The following SND1 variants were observed in gnomAD, a reference collection of about 807,000 sequenced individuals.
SND1 encodes staphylococcal nuclease and tudor domain containing 1.
In SND1, 38 loss-of-function variants were observed where a neutral mutation model predicts 121.7. The ratio of observed to expected loss-of-function variants is 0.31; its 90% CI spans 0.24 to 0.41. SND1 has a LOEUF of 0.41. SND1 is among the 10% of genes least tolerant of loss of function. SND1 has a pLI of 1.00. For missense variants in SND1, 868 were observed against 1,184.6 expected, an observed-to-expected ratio of 0.73 and a Z score of 3.92; for synonymous variants, 401 against 447.4, an observed-to-expected ratio of 0.90 and a Z score of 1.31.
Position 128,081,415 on chromosome 7 carries a change from A to T in SND1, c.2024A>T (p.Glu675Val). 1 of 1,614,124 alleles carries T rather than the reference A, an allele frequency of 6.2e-7. No homozygotes were observed. Among genetic ancestry groups the T allele is most frequent in the Non-Finnish European group, 8.5e-7 (1 of 1,180,020 alleles). ...PVEEVMPVLE[E>V]KERSASYKPV... Reference sequence around the variant, plus strand: ...GAGGAGGTGATGCCAGTGCTGGAGGAGAAGGAGCGATCTGCTAGCTACAAG... The same window carrying T: ...GAGGAGGTGATGCCAGTGCTGGAGGTGAAGGAGCGATCTGCTAGCTACAAG... Residue 675 changes from glutamate to valine, a missense_variant, in exon 18 of 24, where the codon GAG becomes GTG. By Grantham distance (121) the Glu-to-Val change is moderately radical. This residue lies in a region of SND1 where 743 missense variants were observed against 1,071.3 expected (regional missense o/e 0.69). Coordinates refer to ENST00000354725, the MANE Select transcript of SND1 (RefSeq NM_014390.4).
rs550479670 is a variant in SND1 at position 127,851,871 on chromosome 7, G to T, written c.1343+7447G>T. 5.3e-5 allele frequency among the ~76,000 whole-genome samples: 8 copies of T among 152,174 alleles called. No homozygotes were observed. The South Asian group carries it at 1.7e-3, about 32-fold the overall frequency. ...CATTTAAAACTAAAAGAAATAACACGCTTGGCTGGGCACGGTGGCTCACGC... is the reference window on the plus strand; with the variant it reads ...CATTTAAAACTAAAAGAAATAACACTCTTGGCTGGGCACGGTGGCTCACGC... On this transcript the variant is annotated intron_variant, in intron 12 of 23. Transcript: ENST00000354725.
chr7:127,764,144 A>G (rs369189281), intron 10 of SND1, among the ~76,000 whole-genome samples: 1 of 152,334 alleles, frequency 6.6e-6, no homozygotes, highest in African/African-American at 2.4e-5. Flanking sequence ...AATTTCAAAT[A>G]ATGATACAAT....
intron 16 of SND1, among the ~76,000 whole-genome samples, chr7:128,064,326 C>T (rs1434404456): frequency 6.6e-6 from 1 of 152,158 alleles, no homozygotes; most frequent in East Asian, 1.9e-4. Context: ...TGATGAGCCA[C>T]ACCCTCCAGT....
chr7:127,909,441 G>A (rs1480732660), intron 14 of SND1, among the ~76,000 whole-genome samples: 1 of 150,796 alleles, frequency 6.6e-6, no homozygotes, highest in African/African-American at 2.4e-5. Flanking sequence ...GAAATACGTA[G>A]TATTTCTGAT....
At chr7:127,712,005 T>TAA (rs1796306850) in intron 9 of SND1, among the ~76,000 whole-genome samples, 1 of 152,066 alleles carries the variant, frequency 6.6e-6, no homozygotes, top group Non-Finnish European at 1.5e-5. Context: ...GCCTCTCCTC[T>TAA]CCCCTTCTTG....
chr7:127,723,115 A>G (rs905391576), intron 10 of SND1, among the ~76,000 whole-genome samples: 4 of 152,206 alleles, frequency 2.6e-5, no homozygotes, highest in African/African-American at 9.6e-5. Flanking sequence ...TAGACTATAT[A>G]GCTGAATTTT....
In SND1 at chr7:128,013,549, C is replaced by T. The variant is rs150130736; in HGVS notation, c.1779+22493C>T. Among the ~76,000 whole-genome samples the T allele has an allele frequency of 2.7e-3, 415 of 152,330 alleles. 2 individuals are homozygous for T. Among genetic ancestry groups the T allele is most frequent in the Non-Finnish European group, 5.3e-3 (362 of 68,032 alleles). The stretch of plus-strand genomic sequence containing the variant: ...ATGATCTAGAGCAGCAGTCCCCAAC[C>T]TTTTTGGCACTAGGGATCAGTTTCA... On this transcript the variant is annotated intron_variant, in intron 16 of 23. Coordinates refer to ENST00000354725, the MANE Select transcript of SND1 (RefSeq NM_014390.4).
intron 16 of SND1, among the ~76,000 whole-genome samples, chr7:127,994,549 CAAAAAAAAAAAAA>C (rs563548702): frequency 1.5e-3 from 68 of 46,240 alleles, no homozygotes; most frequent in South Asian, 4.2e-3. Context: ...CACTTTTACT[CAAAAAAAAAAAAA>C]AAAAAAAAAA....
intron 15 of SND1, among the ~76,000 whole-genome samples, chr7:127,978,993 A>AT (rs1274108814): frequency 2.6e-5 from 4 of 151,258 alleles, no homozygotes; most frequent in African/African-American, 4.9e-5. Flanking sequence ...GGCCGCCTGT[A>AT]TTTTTTTTTA....
At chr7:127,864,116 T>G (rs1214928976) in intron 12 of SND1, among the ~76,000 whole-genome samples, 1 of 151,960 alleles carries the variant, frequency 6.6e-6, no homozygotes, top group Admixed American at 6.6e-5. Context: ...AAATACTTTA[T>G]TTGATTAGTT....
chr7:128,074,748 T>C, intron 17 of SND1, 58 bp downstream of exon 17: 11 of 1,472,056 alleles, frequency 7.5e-6, no homozygotes, highest in Non-Finnish European at 1.0e-5. Flanking sequence ...CACACACTAA[T>C]GCTGCTGCCT....
chr7:127,935,524 G>A (rs192707845), intron 15 of SND1, among the ~76,000 whole-genome samples: 9 of 152,314 alleles, frequency 5.9e-5, no homozygotes, highest in Non-Finnish European at 1.0e-4. Context: ...AAGGAATCAG[G>A]AAAGGCTGCA....
chr7:127,926,764 T>TGTTGTA lies in SND1; in HGVS notation c.1528-2422_1528-2421insTGTAGT, dbSNP rs1554443880. Among the ~76,000 whole-genome samples, 28 of 150,334 alleles carry TGTTGTA rather than the reference T, an allele frequency of 1.9e-4. No homozygotes were observed. In the East Asian group the frequency reaches 2.7e-3, roughly 15 times the overall value. ...TTGTTGTTGTTGTTGTTGTTGTTGT[T>TGTTGTA]GTACTTTTAGTAGAGACGGGGTTTC... On this transcript the variant is annotated intron_variant, in intron 14 of 23. Coordinates refer to ENST00000354725, the MANE Select transcript of SND1 (RefSeq NM_014390.4).
At chr7:127,961,849 C>T (rs1801739139) in intron 15 of SND1, among the ~76,000 whole-genome samples, 1 of 152,190 alleles carries the variant, frequency 6.6e-6, no homozygotes, top group Non-Finnish European at 1.5e-5. Context: ...TATCAAGCTA[C>T]GTGAAAATCA....
chr7:127,815,021 G>C (rs1037317106), intron 11 of SND1, among the ~76,000 whole-genome samples: 2 of 152,092 alleles, frequency 1.3e-5, no homozygotes, highest in Non-Finnish European at 2.9e-5. Context: ...TATTTTTATT[G>C]ACACCCAGAA....
rs1283029806 is a variant in SND1, at chr7:128,085,781, G to A, written c.2304+1G>A. On this transcript the variant is annotated splice_donor_variant, in intron 20 of 23. Coordinates refer to ENST00000354725, the MANE Select transcript of SND1 (RefSeq NM_014390.4). LOFTEE classifies it high-confidence loss of function. The surrounding 1 kb of genome is among the most constrained non-coding windows in gnomAD (Gnocchi z 4.4). ...TGTCTTCTACATTGACTACGGCAACGTGAGTGTTGGGGACCAGAGTGTTGG... is the reference window on the plus strand; with the variant it reads ...TGTCTTCTACATTGACTACGGCAACATGAGTGTTGGGGACCAGAGTGTTGG... 4 of 1,613,710 alleles carry A rather than the reference G, an allele frequency of 2.5e-6. No homozygotes were observed. The highest frequency in any genetic ancestry group is 1.7e-5 in the Admixed American group (1 of 60,016).
At chr7:128,082,545 A>G (rs1455679430) in intron 18 of SND1, among the ~76,000 whole-genome samples, 1 of 152,120 alleles carries the variant, frequency 6.6e-6, no homozygotes, top group African/African-American at 2.4e-5. Context: ...GGAAAAACGC[A>G]AGGGGGAGGG....
intron 16 of SND1, chr7:127,997,997 G>C (rs752097473): frequency 1.9e-6 from 1 of 530,578 alleles, no homozygotes; most frequent in South Asian, 1.4e-5. Flanking sequence ...AGTATACAAG[G>C]GATCTATGAC....
chr7:127,856,756 G>A (rs1349373759), intron 12 of SND1, among the ~76,000 whole-genome samples: 5 of 152,098 alleles, frequency 3.3e-5, no homozygotes, highest in African/African-American at 4.8e-5. Context: ...AGTAGCAATG[G>A]GAACTATATT....
Sources: gnomAD v4.1 joint callset for allele counts (sites outside exome capture counted in the v4.1 genomes callset) on GRCh38, gnomAD v4.1.1 for gene constraint, gnomAD v4.1.1 regional missense constraint, Gnocchi (gnomAD v3.1) non-coding constraint, MANE v1.5 for transcripts, NCBI Gene and HGNC (gene_info 2026-07-23, HGNC 2026-07-21) for gene names.